Variants in RNF157 observed in about 807,000 individuals in gnomAD.
RNF157 encodes the protein ring finger protein 157, also known as E3 ubiquitin ligase RNF157.
In RNF157, 55 loss-of-function variants were observed where a neutral mutation model predicts 88.3. That is an observed-to-expected ratio of 0.62 (90% CI 0.50 to 0.78). The LOEUF is 0.78. RNF157 is among the 30% of genes least tolerant of loss of function. The pLI, the probability that RNF157 is intolerant of heterozygous loss-of-function variation, is 0.00. For synonymous variants in RNF157, 334 were observed against 341.2 expected (o/e 0.98, Z 0.23); for missense variants, 788 against 860.8 (o/e 0.92, Z 1.06).
At chr17:76,169,238 G>A (rs1039513026) in intron 3 of RNF157, among the ~76,000 whole-genome samples, 1 of 151,852 alleles carries the variant, frequency 6.6e-6, no homozygotes, top group African/African-American at 2.4e-5. Flanking sequence ...AATATTTCAA[G>A]TTTTCTTCCT....
intron 1 of RNF157, among the ~76,000 whole-genome samples, chr17:76,236,300 C>T (rs1229781314): frequency 6.6e-6 from 1 of 152,122 alleles, no homozygotes; most frequent in Non-Finnish European, 1.5e-5. Flanking sequence ...ATTAAACTGT[C>T]TTTATATTAT....
At chr17:76,237,856 G>A (rs1015841498) in intron 1 of RNF157, among the ~76,000 whole-genome samples, 6 of 152,012 alleles carry the variant, frequency 3.9e-5, no homozygotes, top group African/African-American at 7.3e-5. Flanking sequence ...CGAGGCAGGC[G>A]GATCACCTGA....
chr17:76,164,465 C>T lies in RNF157; in HGVS notation c.720+283G>A, dbSNP rs191116135. 5.6e-4 allele frequency: 151 copies of T among 270,172 alleles called. 3 individuals carry two copies. The East Asian group carries it at 6.7e-3, about 12-fold the overall frequency. The allele number at this position is 270,172 out of a possible 1,614,324, so 16.7% of individuals were successfully genotyped here. A position where few individuals can be genotyped will look rare whatever the true frequency, so the allele number is the denominator to read the frequency against. ...ATCTTGTTCTTTCATTTCTCAAGTC[C>T]TTTGCTCAGATAAAGGCTCCCTCAA... On this transcript the variant is annotated intron_variant, in intron 8 of 18. Transcript: ENST00000269391.
In RNF157 at chr17:76,157,864, C is replaced by T. The variant is rs2068789660; in HGVS notation, c.1413+529G>A. Among the ~76,000 whole-genome samples the T allele has an allele frequency of 6.6e-6, 1 of 152,146 alleles. No individual in the cohort carries two copies. ...AATTCCAGCCTTCTCTTCCATTCTTCCACATGGGCCTCCCGACACCCCCCA... is the reference window on the plus strand; with the variant it reads ...AATTCCAGCCTTCTCTTCCATTCTTTCACATGGGCCTCCCGACACCCCCCA... On this transcript the variant is annotated intron_variant, in intron 13 of 18. Coordinates refer to ENST00000269391, the MANE Select transcript of RNF157 (RefSeq NM_052916.3). The surrounding 1 kb of genome is among the most constrained non-coding windows in gnomAD (Gnocchi z 5.6).
chr17:76,204,002 C>T (rs1327720226), intron 2 of RNF157, among the ~76,000 whole-genome samples: 2 of 150,688 alleles, frequency 1.3e-5, no homozygotes, highest in Admixed American at 6.6e-5. Context: ...CTCCTGACCT[C>T]GTGATCTGCC....
chr17:76,218,233 C>T (rs917361512), intron 1 of RNF157, among the ~76,000 whole-genome samples: 3 of 152,148 alleles, frequency 2.0e-5, no homozygotes, highest in African/African-American at 4.8e-5. Flanking sequence ...GGAAGAAAAT[C>T]GGTGTCATCA....
chr17:76,164,570 A>T, intron 8 of RNF157, 178 bp downstream of exon 8: 6 of 439,912 alleles, frequency 1.4e-5, no homozygotes, highest in Admixed American at 4.0e-5. Context: ...AATAGCTTGT[A>T]ACATTCAAAA....
At chr17:76,231,868 A>G (rs929241784) in intron 1 of RNF157, among the ~76,000 whole-genome samples, 28 of 152,278 alleles carry the variant, frequency 1.8e-4, no homozygotes, top group African/African-American at 6.5e-4. Flanking sequence ...CATTACCCCA[A>G]AATGTTCCAT....
Position 76,145,243 on chromosome 17 carries a change from C to A in RNF157, c.2032G>T (p.Ala678Ser). The change falls in exon 19 of 19, where the codon GCT becomes TCT. Residue 678 changes from alanine to serine, a missense_variant. Ala to Ser is a moderately conservative substitution (Grantham distance 99, BLOSUM62 1). Coordinates refer to ENST00000269391, the MANE Select transcript of RNF157 (RefSeq NM_052916.3). Reference sequence around the variant, plus strand: ...AGTGCAGAGGCTGGGGCTCAGACAGCCAAAGGGCCCCACACACAGGGCCTC... The same window carrying A: ...AGTGCAGAGGCTGGGGCTCAGACAGACAAAGGGCCCCACACACAGGGCCTC... ...ETRPCVWGPL[A>S]V 6.2e-7 allele frequency: 1 copy of A among 1,602,572 alleles called. No individual in the cohort carries two copies. The highest frequency in any genetic ancestry group is 8.5e-7 in the Non-Finnish European group (1 of 1,174,098).
rs764862583 is a variant in RNF157, at chr17:76,155,328, GCA to G, written c.1699-13_1699-12del. 7.4e-6 allele frequency: 12 copies of G among 1,613,708 alleles called. No homozygotes were observed. The highest frequency in any genetic ancestry group is 1.7e-4 in the Middle Eastern group (1 of 6,060). ...CTCCGCTGGCAGCCCCTGCAGAAGAGCACAGTTTTTACAGGCTCTTCCATAAA... is the reference window on the plus strand; with the variant it reads ...CTCCGCTGGCAGCCCCTGCAGAAGAGCAGTTTTTACAGGCTCTTCCATAAA... On this transcript the variant is annotated splice_polypyrimidine_tract_variant and intron_variant, in intron 15 of 18. Coordinates refer to ENST00000269391, the MANE Select transcript of RNF157 (RefSeq NM_052916.3).
rs534077095 is a variant in RNF157 at position 76,176,141 on chromosome 17, G to A, written c.208-2351C>T. The stretch of plus-strand genomic sequence containing the variant: ...ATGCAACACTCCATGCCAGGAGTAA[G>A]GAGAGATTGAAAACCAAGAAGATAA... On this transcript the variant is annotated intron_variant, in intron 2 of 18. Coordinates refer to ENST00000269391, the MANE Select transcript of RNF157 (RefSeq NM_052916.3). This position sits in a 1 kb window ranked among gnomAD's most constrained non-coding sequence, Gnocchi z 4.2. Among the ~76,000 whole-genome samples, 8 of 152,322 alleles carry A rather than the reference G, an allele frequency of 5.3e-5. No homozygotes were observed.
At chr17:76,203,583 G>A (rs2144990502) in intron 2 of RNF157, among the ~76,000 whole-genome samples, 1 of 151,080 alleles carries the variant, frequency 6.6e-6, no homozygotes, top group South Asian at 2.1e-4. Flanking sequence ...TTCCTGAGTA[G>A]TTGGGATTAC....
chr17:76,152,574 G>GT (rs908724731), intron 17 of RNF157, 109 bp from the exon 18 acceptor site: 4 of 711,830 alleles, frequency 5.6e-6, no homozygotes, highest in Non-Finnish European at 1.0e-5. Flanking sequence ...CAAATCATAT[G>GT]TTAAAAAAAA....
At chr17:76,152,686 G>A (rs2144804272) in intron 17 of RNF157, 1 of 484,094 alleles carries the variant, frequency 2.1e-6, no homozygotes, top group Middle Eastern at 5.9e-4. Context: ...AGCCCTTTCT[G>A]TCTGCTGCTC....
At chr17:76,152,570 A>G (rs2068696702) in intron 17 of RNF157, 105 bp from the exon 18 acceptor site, 1 of 719,938 alleles carries the variant, frequency 1.4e-6, no homozygotes, top group African/African-American at 1.8e-5. Flanking sequence ...AAATCAAATC[A>G]TATGTTAAAA....
At chr17:76,190,727 G>GGCCA (rs1159314833) in intron 2 of RNF157, among the ~76,000 whole-genome samples, 1 of 151,642 alleles carries the variant, frequency 6.6e-6, no homozygotes, top group East Asian at 1.9e-4. Context: ...AGACCACGAT[G>GGCCA]AAACCCCGTC....
At chr17:76,152,102 C>CA (rs763689950) in intron 18 of RNF157, among the ~76,000 whole-genome samples, 2 of 152,124 alleles carry the variant, frequency 1.3e-5, no homozygotes, top group Non-Finnish European at 2.9e-5. Flanking sequence ...GTGGTTAGGC[C>CA]AAATCGTTAA....
intron 3 of RNF157, among the ~76,000 whole-genome samples, chr17:76,169,973 T>C (rs2068989743): frequency 6.6e-6 from 1 of 152,228 alleles, no homozygotes; most frequent in South Asian, 2.1e-4. Context: ...GGCTGTCTGC[T>C]TGTATTTAAG....
At chr17:76,177,883 C>T (rs1018986684) in intron 2 of RNF157, among the ~76,000 whole-genome samples, 2 of 152,162 alleles carry the variant, frequency 1.3e-5, no homozygotes, top group African/African-American at 4.8e-5. Flanking sequence ...GCAGAGAAGA[C>T]AGGATGACCT....
Sources: allele counts gnomAD v4.1 joint callset (sites outside exome capture counted in the v4.1 genomes callset), GRCh38; gene constraint gnomAD v4.1.1; non-coding constraint Gnocchi (gnomAD v3.1); transcripts MANE v1.5; gene names NCBI Gene and HGNC (gene_info 2026-07-23, HGNC 2026-07-21).